Variants in SORCS3 observed in about 807,000 individuals in gnomAD.
The protein encoded by SORCS3 is VPS10 domain-containing receptor SorCS3.
SORCS3 carries 57 observed loss-of-function variants against 146.3 expected under a neutral mutation model. The ratio of observed to expected loss-of-function variants is 0.39; its 90% CI spans 0.31 to 0.49. The LOEUF (loss-of-function observed/expected upper bound fraction) is 0.49. Among genes scored for constraint, SORCS3 ranks in the 20% least tolerant of loss-of-function variants. The pLI, the probability that SORCS3 is intolerant of heterozygous loss-of-function variation, is 0.92. For synonymous variants in SORCS3, 653 were observed against 618.5 expected (o/e 1.06, Z -0.83); for missense variants, 1,341 against 1,575.5 (o/e 0.85, Z 2.52).
intron 1 of SORCS3, among the ~76,000 whole-genome samples, chr10:104,796,538 C>T (rs1232715901): frequency 6.6e-6 from 1 of 151,834 alleles, no homozygotes; most frequent in African/African-American, 2.4e-5. Flanking sequence ...TTCCCTGCTT[C>T]ACAATTATTT....
At chr10:104,710,437 T>C (rs567164153) in intron 1 of SORCS3, among the ~76,000 whole-genome samples, 1 of 152,324 alleles carries the variant, frequency 6.6e-6, no homozygotes, top group Admixed American at 6.5e-5. Context: ...CGGGCAAGTC[T>C]CTTTGCTGTT....
At chr10:105,214,701 C>G (rs2056655196) in intron 18 of SORCS3, 88 bp downstream of exon 18, 2 of 1,267,584 alleles carry the variant, frequency 1.6e-6, no homozygotes, top group South Asian at 3.1e-5. Flanking sequence ...TCCCACAGAC[C>G]CCTGCACCAA....
At chr10:104,667,307 CT>C (rs140813914) in intron 1 of SORCS3, among the ~76,000 whole-genome samples, 13,948 of 152,206 alleles carry the variant, frequency 0.092, 898 homozygotes, top group Middle Eastern at 0.18. Context: ...TTTTCTCTGC[CT>C]ATGCCCCATC....
intron 1 of SORCS3, chr10:104,666,287 G>C (rs1043230447): frequency 1.3e-5 from 2 of 152,078 alleles, no homozygotes; most frequent in African/African-American, 4.8e-5. Flanking sequence ...TGACATCACT[G>C]CTCATCACCA....
At chr10:104,774,035 ATTG>A (rs1429920236) in intron 1 of SORCS3, among the ~76,000 whole-genome samples, 1 of 152,138 alleles carries the variant, frequency 6.6e-6, no homozygotes, top group East Asian at 1.9e-4. Context: ...GTTTTTGAGT[ATTG>A]TTTTAAATTT....
chr10:105,134,557 A>ATT (rs1564763325), intron 7 of SORCS3, among the ~76,000 whole-genome samples: 9 of 65,986 alleles, frequency 1.4e-4, no homozygotes, highest in Non-Finnish European at 3.0e-4. Context: ...ACAAAAAGGA[A>ATT]AAAAAAAAAA....
intron 5 of SORCS3, among the ~76,000 whole-genome samples, chr10:105,086,263 G>A (rs549110245): frequency 6.6e-6 from 1 of 152,336 alleles, no homozygotes; most frequent in Admixed American, 6.5e-5. Flanking sequence ...CATAGCTGGA[G>A]TCAGGTAGAC....
chr10:105,247,345 G>C lies in SORCS3; in HGVS notation c.3105+14G>C. On this transcript the variant is annotated intron_variant, in intron 22 of 26. Transcript: ENST00000369701. ...GCTCTGGTTAAAGTAAGTTGGCTTT[G>C]TCTTTTTTTAAGTTCTTGTGAATAA... is the stretch of plus-strand genomic sequence containing the variant. 2 of 1,494,924 alleles carry C rather than the reference G, an allele frequency of 1.3e-6. No individual in the cohort carries two copies. Among genetic ancestry groups the C allele is most frequent in the Non-Finnish European group, 1.9e-6 (2 of 1,074,738 alleles). The allele number at this position is 1,494,924 out of a possible 1,614,324, so 92.6% of individuals were successfully genotyped here.
chr10:104,646,345 CG>C (rs2015495424), intron 1 of SORCS3, among the ~76,000 whole-genome samples: 1 of 152,152 alleles, frequency 6.6e-6, no homozygotes, highest in Non-Finnish European at 1.5e-5. Flanking sequence ...AAGGAATGCC[CG>C]GGAGTGGCTT....
chr10:104,964,955 C>T (rs1391167349), intron 3 of SORCS3, among the ~76,000 whole-genome samples: 2 of 152,274 alleles, frequency 1.3e-5, no homozygotes, highest in African/African-American at 2.4e-5. Context: ...CATATAAGTG[C>T]AATCATATAG....
intron 3 of SORCS3, among the ~76,000 whole-genome samples, chr10:104,973,599 A>C (rs1225768134): frequency 1.3e-5 from 2 of 149,326 alleles, no homozygotes; most frequent in East Asian, 3.9e-4. Context: ...TTTCTTTATT[A>C]GTCTTGCTAG....
chr10:105,261,341 C>T (rs1022621107), intron 25 of SORCS3, among the ~76,000 whole-genome samples: 6 of 152,184 alleles, frequency 3.9e-5, no homozygotes, highest in East Asian at 1.9e-4. Flanking sequence ...ACAGTTGGTT[C>T]TAAGTCCCCA....
At chr10:104,939,530 GT>G in intron 3 of SORCS3, among the ~76,000 whole-genome samples, 1 of 106,618 alleles carries the variant, frequency 9.4e-6, no homozygotes, top group African/African-American at 8.7e-5. Context: ...TTAAGAGAAC[GT>G]CCAAATGGGT....
Position 105,211,080 on chromosome 10 carries a change from C to T in SORCS3, c.2262-57C>T, listed in dbSNP as rs762468992. On this transcript the variant is annotated intron_variant, in intron 16 of 26. Coordinates refer to ENST00000369701, the MANE Select transcript of SORCS3 (RefSeq NM_014978.3). The stretch of plus-strand genomic sequence containing the variant: ...ACATGTATATGTTTGTGTGTGCCTG[C>T]GGTTATTTTAGCGTTTGTACATATA... 149 of 1,191,130 alleles carry T rather than the reference C, an allele frequency of 1.3e-4. 1 individual carries two copies. Among genetic ancestry groups the T allele is most frequent in the Middle Eastern group, 3.9e-4 (2 of 5,130 alleles). 73.8% of individuals were successfully genotyped at this position (1,191,130 alleles called of 1,614,324 possible). A position where few individuals can be genotyped will look rare whatever the true frequency, so the allele number is the denominator to read the frequency against.
At chr10:104,977,563 T>A in intron 4 of SORCS3, 70 bp downstream of exon 4, 1 of 1,401,804 alleles carries the variant, frequency 7.1e-7, no homozygotes, top group Non-Finnish European at 9.6e-7. Context: ...CTTGCTTGCT[T>A]AATCCACATT....
chr10:104,736,816 A>G (rs1203686084), intron 1 of SORCS3, among the ~76,000 whole-genome samples: 1 of 150,922 alleles, frequency 6.6e-6, no homozygotes, highest in Non-Finnish European at 1.5e-5. Context: ...GTTTTCGGGT[A>G]CATGTGCACA....
chr10:104,798,403 C>T (rs1311746249), intron 1 of SORCS3, among the ~76,000 whole-genome samples: 1 of 152,048 alleles, frequency 6.6e-6, no homozygotes, highest in East Asian at 1.9e-4. Flanking sequence ...TCTATAAACC[C>T]CATATTTCTC....
intron 1 of SORCS3, among the ~76,000 whole-genome samples, chr10:104,701,182 G>A (rs969201909): frequency 6.6e-6 from 1 of 152,136 alleles, no homozygotes; most frequent in Non-Finnish European, 1.5e-5. Flanking sequence ...GCAATGTTTA[G>A]CATTTACCTG....
chr10:104,928,608 C>T (rs1168371220), intron 3 of SORCS3, among the ~76,000 whole-genome samples: 3 of 152,074 alleles, frequency 2.0e-5, no homozygotes, highest in African/African-American at 7.2e-5. Flanking sequence ...CCCCCATTAC[C>T]AGCCCAAGGT....
Sources: allele counts gnomAD v4.1 joint callset (sites outside exome capture counted in the v4.1 genomes callset), GRCh38; gene constraint gnomAD v4.1.1; transcripts MANE v1.5; gene names NCBI Gene and HGNC (gene_info 2026-07-23, HGNC 2026-07-21).